KRABD3: variants seen among roughly 807,000 people sequenced by gnomAD.
KRABD3 encodes KRAB domain-containing protein 3.
chr7:149,722,900 T>A, the KRABD3 span: 2 of 1,613,374 alleles, frequency 1.2e-6, no homozygotes, highest in Non-Finnish European at 1.7e-6. Context: ...CTCCCTAGCC[T>A]GGGCACGTCC....
At chr7:149,727,231 A>G in the KRABD3 span, among the ~76,000 whole-genome samples, 3 of 152,064 alleles carry the variant, frequency 2.0e-5, no homozygotes, top group South Asian at 2.1e-4. Context: ...CTGACTGCCA[A>G]TGTATTTACT....
the KRABD3 span, chr7:149,734,088 G>T: frequency 6.4e-7 from 1 of 1,552,800 alleles, no homozygotes; most frequent in East Asian, 2.3e-5. Context: ...CTTGCCGAGG[G>T]TGCAGTGGTG....
the KRABD3 span, chr7:149,728,793 T>C: frequency 8.5e-7 from 1 of 1,169,614 alleles, no homozygotes; most frequent in Non-Finnish European, 1.2e-6. Flanking sequence ...GAAACAGACC[T>C]GGGCAGAGCC....
chr7:149,733,284 C>T, the KRABD3 span: 30 of 1,612,442 alleles, frequency 1.9e-5, no homozygotes, highest in Admixed American at 3.3e-5. Context: ...CTGCCCCCTC[C>T]GGAAGCTGCG....
chr7:149,730,233 G>A, the KRABD3 span: 90 of 1,567,326 alleles, frequency 5.7e-5, no homozygotes, highest in South Asian at 3.5e-5. Context: ...CTTCGCCTGC[G>A]TGGGAGGCCC....
chr7:149,726,951 T>C, the KRABD3 span, among the ~76,000 whole-genome samples: 1 of 152,260 alleles, frequency 6.6e-6, no homozygotes, highest in East Asian at 1.9e-4. Context: ...TTGAATTCCT[T>C]ACCCCAGCCA....
At chr7:149,718,854 G>A in the KRABD3 span, among the ~76,000 whole-genome samples, 3 of 152,198 alleles carry the variant, frequency 2.0e-5, no homozygotes, top group Non-Finnish European at 4.4e-5. Context: ...AAAAATGCTC[G>A]TGTTATTTTA....
chr7:149,720,080 G>T, the KRABD3 span: 1 of 1,554,024 alleles, frequency 6.4e-7, no homozygotes, highest in African/African-American at 1.4e-5. Flanking sequence ...GGGGGAGGGA[G>T]CCACGCTGAT....
chr7:149,718,633 C>G, the KRABD3 span, among the ~76,000 whole-genome samples: 2 of 151,386 alleles, frequency 1.3e-5, no homozygotes, highest in Non-Finnish European at 1.5e-5. Context: ...ATTCTCCTGC[C>G]TCAGCCTCCT....
At chr7:149,726,136 G>A in the KRABD3 span, 1 of 1,326,812 alleles carries the variant, frequency 7.5e-7, no homozygotes, top group Non-Finnish European at 1.0e-6. Context: ...CCTCTGGCTT[G>A]ACTGGGTCAG....
chr7:149,731,666 C>T, the KRABD3 span: 1 of 1,605,278 alleles, frequency 6.2e-7, no homozygotes, highest in East Asian at 2.2e-5. Flanking sequence ...TGTGCTCTTT[C>T]TATAGGTACA....
chr7:149,722,200 C>T, the KRABD3 span, among the ~76,000 whole-genome samples: 18 of 152,182 alleles, frequency 1.2e-4, no homozygotes, highest in African/African-American at 3.1e-4. Flanking sequence ...AGCCAAATTC[C>T]GAGGCTGGGC....
the KRABD3 span, among the ~76,000 whole-genome samples, chr7:149,732,940 C>T: frequency 2.6e-5 from 4 of 152,252 alleles, no homozygotes; most frequent in East Asian, 3.9e-4. The surrounding 1 kb of genome is among the most constrained non-coding windows in gnomAD (Gnocchi z 4.0). Context: ...GTGGGAAGAC[C>T]GCAGTTTAGG....
At chr7:149,717,450 A>G in the KRABD3 span, among the ~76,000 whole-genome samples, 4 of 152,192 alleles carry the variant, frequency 2.6e-5, no homozygotes, top group African/African-American at 9.7e-5. Flanking sequence ...TGTTGGCTAC[A>G]TTTTCTCTGT....
the KRABD3 span, chr7:149,724,601 AG>A: frequency 7.4e-7 from 1 of 1,345,808 alleles, no homozygotes; most frequent in Non-Finnish European, 9.9e-7. Flanking sequence ...AGGGATTCTC[AG>A]GGTGAGTCCA....
chr7:149,729,269 G>C, the KRABD3 span: 1 of 1,605,264 alleles, frequency 6.2e-7, no homozygotes, highest in Admixed American at 1.7e-5. Context: ...CATCTGGTCA[G>C]CCCACAGGTG....
At chr7:149,734,178 C>A in the KRABD3 span, 1 of 1,287,210 alleles carries the variant, frequency 7.8e-7, no homozygotes, top group Non-Finnish European at 1.0e-6. Flanking sequence ...GGGAGCCTCG[C>A]CCTTTGTCCC....
At chr7:149,734,242 C>G in the KRABD3 span, 2 of 664,392 alleles carry the variant, frequency 3.0e-6, no homozygotes, top group African/African-American at 3.6e-5. Context: ...GTGGGGGTGC[C>G]TTCCTCAGCC....
chr7:149,733,638 G>T, the KRABD3 span: 1 of 1,590,434 alleles, frequency 6.3e-7, no homozygotes, highest in Non-Finnish European at 8.6e-7. Flanking sequence ...GGAGAGAGCT[G>T]CAGGGCTGGT....
Sources: gnomAD v4.1 joint callset for allele counts (sites outside exome capture counted in the v4.1 genomes callset) on GRCh38, gnomAD v4.1.1 for gene constraint, Gnocchi (gnomAD v3.1) non-coding constraint, MANE v1.5 for transcripts, NCBI Gene and HGNC (gene_info 2026-07-23, HGNC 2026-07-21) for gene names.